The following RIMS1 variants were observed in gnomAD, a reference collection of about 807,000 sequenced individuals.
RIMS1 encodes the protein regulating synaptic membrane exocytosis 1, also known as regulating synaptic membrane exocytosis protein 1.
A neutral mutation model predicts 214.1 loss-of-function variants in RIMS1; 83 were observed. The observed-to-expected ratio is 0.39, with a 90% CI of 0.32 to 0.47. The LOEUF is 0.47. Ranked by LOEUF, RIMS1 falls within the 20% of genes least tolerant of loss-of-function variation. RIMS1 has a pLI of 0.99. For synonymous variants in RIMS1, 793 were observed against 786.8 expected (o/e 1.01, Z -0.13); for missense variants, 2,050 against 2,161.8 (o/e 0.95, Z 1.03).
intron 29 of RIMS1, among the ~76,000 whole-genome samples, chr6:72,379,402 C>A (rs1042698983): frequency 4.6e-5 from 7 of 152,188 alleles, no homozygotes; most frequent in Non-Finnish European, 1.0e-4. Flanking sequence ...CAGTCCTTAA[C>A]TTAGAAGATA....
intron 29 of RIMS1, among the ~76,000 whole-genome samples, chr6:72,377,988 T>C (rs976742825): frequency 1.7e-4 from 26 of 152,178 alleles, no homozygotes; most frequent in African/African-American, 7.2e-5. Flanking sequence ...TGCCTCTCCA[T>C]TGTGAATTGG....
At chr6:71,993,667 G>A (rs1802546866) in intron 2 of RIMS1, among the ~76,000 whole-genome samples, 1 of 152,182 alleles carries the variant, frequency 6.6e-6, no homozygotes, top group African/African-American at 2.4e-5. Context: ...CATACAGACA[G>A]TGACAGCTCT....
intron 1 of RIMS1, among the ~76,000 whole-genome samples, chr6:71,909,802 GA>G (rs565278230): frequency 5.9e-5 from 9 of 151,830 alleles, no homozygotes; most frequent in South Asian, 2.1e-4. Context: ...GTTTGGATCA[GA>G]AAAAAAATTT....
chr6:72,064,703 A>G (rs1828838237), intron 2 of RIMS1, among the ~76,000 whole-genome samples: 1 of 152,222 alleles, frequency 6.6e-6, no homozygotes, highest in Non-Finnish European at 1.5e-5. Context: ...AGTTTAAAAA[A>G]AAATGTTTTT....
At chr6:72,361,862 C>A (rs895123836) in intron 29 of RIMS1, among the ~76,000 whole-genome samples, 14 of 152,314 alleles carry the variant, frequency 9.2e-5, no homozygotes, top group African/African-American at 3.1e-4. Flanking sequence ...AACTGTTTGG[C>A]AAGCTTAATT....
rs752077267 is a variant in RIMS1 at position 72,392,657 on chromosome 6, T to C, written c.4506-41T>C. On this transcript the variant is annotated intron_variant, in intron 30 of 33. Coordinates refer to ENST00000521978, the MANE Select transcript of RIMS1 (RefSeq NM_014989.7). ...CTAGTGAAAAGAATTCTAGAAGATT[T>C]CATGGGTTTTTTCCTTTGGTTTTTA... 1.0e-5 allele frequency: 14 copies of C among 1,337,182 alleles called. No homozygotes were observed. In the African/African-American group the frequency reaches 2.0e-4, roughly 19 times the overall value. 82.8% of individuals were successfully genotyped at this position (1,337,182 alleles called of 1,614,324 possible).
In RIMS1 at chr6:71,886,897, GC is replaced by G; in HGVS notation, c.-126del. ...TGCTGCTGCTGCTGCCGCCGCCGCC[GC>G]TGCTCCTCCTCCTGCCGCCGCCGCT... On this transcript the variant is annotated 5_prime_UTR_variant, in exon 1 of 34. It removes the in-frame stop codon of an upstream open reading frame in the 5' UTR. Coordinates refer to ENST00000521978, the MANE Select transcript of RIMS1 (RefSeq NM_014989.7). 3 of 1,070,410 alleles carry G rather than the reference GC, an allele frequency of 2.8e-6. No homozygotes were observed. The highest frequency in any genetic ancestry group is 2.7e-6 in the Non-Finnish European group (2 of 738,376). 66.3% of individuals were successfully genotyped at this position (1,070,410 alleles called of 1,614,324 possible).
intron 26 of RIMS1, among the ~76,000 whole-genome samples, chr6:72,305,031 G>C (rs1449647328): frequency 6.6e-6 from 1 of 151,890 alleles, no homozygotes; most frequent in Non-Finnish European, 1.5e-5. Flanking sequence ...GTAATGATTT[G>C]AGGGAGGTAA....
At chr6:72,067,631 A>G (rs1008296334) in intron 2 of RIMS1, among the ~76,000 whole-genome samples, 25 of 152,294 alleles carry the variant, frequency 1.6e-4, no homozygotes, top group African/African-American at 5.3e-4. Context: ...TCCATCTAGA[A>G]CATATACCCC....
intron 4 of RIMS1, among the ~76,000 whole-genome samples, chr6:72,154,836 G>T (rs1270534833): frequency 7.1e-6 from 1 of 140,384 alleles, no homozygotes; most frequent in African/African-American, 2.5e-5. Flanking sequence ...TGAACTCCTG[G>T]CTCCTTCTGG....
intron 2 of RIMS1, among the ~76,000 whole-genome samples, chr6:72,042,955 A>G (rs190640741): frequency 7.2e-5 from 11 of 151,974 alleles, no homozygotes; most frequent in Admixed American, 6.6e-4. Flanking sequence ...AATGCTCAAA[A>G]GAAATATAAT....
At chr6:72,278,121 A>G (rs1029786887) in intron 23 of RIMS1, among the ~76,000 whole-genome samples, 2 of 151,864 alleles carry the variant, frequency 1.3e-5, no homozygotes, top group African/African-American at 4.8e-5. Context: ...TGCAGTTACT[A>G]TCTTCAATAT....
At chr6:72,369,080 T>C (rs2098134934) in intron 29 of RIMS1, among the ~76,000 whole-genome samples, 1 of 149,476 alleles carries the variant, frequency 6.7e-6, no homozygotes, top group Non-Finnish European at 1.5e-5. Flanking sequence ...GTGAATCTAG[T>C]ATGGGAGCAC....
At chr6:72,379,298 C>G (rs1166009931) in intron 29 of RIMS1, among the ~76,000 whole-genome samples, 1 of 152,236 alleles carries the variant, frequency 6.6e-6, no homozygotes, top group Admixed American at 6.5e-5. Flanking sequence ...CCAGCTTCAT[C>G]AAATTCTCCT....
chr6:71,941,934 A>G (rs1483917312), intron 1 of RIMS1, among the ~76,000 whole-genome samples: 1 of 152,066 alleles, frequency 6.6e-6, no homozygotes, highest in Non-Finnish European at 1.5e-5. Flanking sequence ...GTTTTACAAG[A>G]CTGTCTTTTC....
chr6:72,308,811 G>T (rs949051705), intron 27 of RIMS1, among the ~76,000 whole-genome samples: 7 of 152,110 alleles, frequency 4.6e-5, no homozygotes, highest in Non-Finnish European at 8.8e-5. Flanking sequence ...GCCTATTTCA[G>T]CTCCATACAG....
chr6:71,983,038 TC>T (rs1416837238), intron 2 of RIMS1, among the ~76,000 whole-genome samples: 4 of 152,042 alleles, frequency 2.6e-5, no homozygotes, highest in African/African-American at 9.7e-5. Context: ...TCTCACCCAC[TC>T]CTCTTTTTCC....
chr6:71,970,173 A>C (rs1795501769), intron 2 of RIMS1, among the ~76,000 whole-genome samples: 1 of 152,242 alleles, frequency 6.6e-6, no homozygotes, highest in South Asian at 2.1e-4. Context: ...AAGAAATAAA[A>C]ATAGTTTTGA....
chr6:72,118,644 T>C (rs975263579), intron 4 of RIMS1, among the ~76,000 whole-genome samples: 1 of 151,784 alleles, frequency 6.6e-6, no homozygotes, highest in Non-Finnish European at 1.5e-5. Context: ...GTGGGTTTCA[T>C]ACCAGGTATG....
Sources: allele counts gnomAD v4.1 joint callset (sites outside exome capture counted in the v4.1 genomes callset), GRCh38; gene constraint gnomAD v4.1.1; transcripts MANE v1.5; gene names NCBI Gene and HGNC (gene_info 2026-07-23, HGNC 2026-07-21).